CASKIN2: variants seen among roughly 807,000 people sequenced by gnomAD.
The protein encoded by CASKIN2 is caskin-2.
CASKIN2 carries 41 observed loss-of-function variants against 107.1 expected under a neutral mutation model. The ratio of observed to expected loss-of-function variants is 0.38; its 90% CI spans 0.30 to 0.50. The LOEUF (loss-of-function observed/expected upper bound fraction) is 0.50, where lower values mean the gene tolerates loss of function less well. CASKIN2 is among the 20% of genes least tolerant of loss of function. The pLI is 0.92. For missense variants in CASKIN2, 1,546 were observed against 1,657.4 expected, an observed-to-expected ratio of 0.93 and a Z score of 1.17; for synonymous variants, 724 against 705.6, an observed-to-expected ratio of 1.03 and a Z score of -0.41.
At chr17:75,511,886 G>T (rs1214408790) in intron 2 of CASKIN2, among the ~76,000 whole-genome samples, 1 of 150,210 alleles carries the variant, frequency 6.7e-6, no homozygotes, top group Non-Finnish European at 1.5e-5. Context: ...ACCCAGAGCG[G>T]TGAGGCCAGC....
intron 2 of CASKIN2, 86 bp from the exon 3 acceptor site, chr17:75,508,371 A>G (rs2053287802): frequency 6.8e-7 from 1 of 1,466,522 alleles, no homozygotes; most frequent in Non-Finnish European, 9.4e-7. Context: ...AGCCCGGCTG[A>G]CCTCTTGGCG....
rs757509911 is a variant in CASKIN2, at chr17:75,505,925, C to T, written c.731G>A (p.Gly244Asp). The T allele has an allele frequency of 6.2e-7, 1 of 1,613,318 alleles. No individual in the cohort carries two copies. The highest frequency in any genetic ancestry group is 2.2e-5 in the East Asian group (1 of 44,890). ...TEVVRLLLEG[G>D]VDVNIRNTYN... ...CGTATTCCGGATGTTCACGTCCACA[C>T]CTCCCTGGGTGCACAGTGTCACATG... Residue 244 changes from glycine (G) to aspartate (D), a missense_variant, in exon 9 of 20, where the codon GGT becomes GAT. Gly to Asp is a moderately conservative substitution (Grantham distance 94, BLOSUM62 -1). Around this residue, in one of 6 missense-constraint regions of CASKIN2, gnomAD observed 62 missense variants for 81.1 expected, o/e 0.76. Transcript: ENST00000321617. This position sits in a 1 kb window ranked among gnomAD's most constrained non-coding sequence, Gnocchi z 5.1.
In CASKIN2 at chr17:75,505,193, C is replaced by T; in HGVS notation, c.931-120G>A. 8.6e-7 allele frequency: 1 copy of T among 1,164,008 alleles called. No homozygotes were observed. Among genetic ancestry groups the T allele is most frequent in the Non-Finnish European group, 1.2e-6 (1 of 807,158 alleles). The allele number at this position is 1,164,008 out of a possible 1,614,324, so 72.1% of individuals were successfully genotyped here. On this transcript the variant is annotated intron_variant, in intron 10 of 19. Transcript: ENST00000321617. The surrounding 1 kb of genome is among the most constrained non-coding windows in gnomAD (Gnocchi z 5.1). ...CAGCTCTTTCCCTACCCCTAAGGAG[C>T]TGGCCTCTGATGCCCACACTGGCCC...
chr17:75,510,965 A>G (rs1402528609), intron 2 of CASKIN2, among the ~76,000 whole-genome samples: 1 of 151,398 alleles, frequency 6.6e-6, no homozygotes, highest in African/African-American at 2.4e-5. Context: ...CCAGCCACTC[A>G]GGAGGCTGAG....
In CASKIN2 at chr17:75,506,696, C is replaced by G; in HGVS notation, c.504G>C (p.Leu168=). Residue 168 remains leucine (L), a synonymous_variant, in exon 7 of 20, where the codon CTG becomes CTC. Transcript: ENST00000321617. The surrounding 1 kb of genome is among the most constrained non-coding windows in gnomAD (Gnocchi z 4.8). ...FGRLKVAQLL[L]NSHLCVALLE... ...GCAGTGCCACACATAAGTGGCTGTT[C>G]AGAAGCAGCTGGGCCACCTGCAGCA... 6.2e-7 allele frequency: 1 copy of G among 1,613,486 alleles called. No homozygotes were observed. The highest frequency in any genetic ancestry group is 1.1e-5 in the South Asian group (1 of 91,068).
At position 75,504,354 on chromosome 17, in the gene CASKIN2, G is replaced by A. The variant is rs1410653050; in HGVS notation, c.1376-48C>T. The A allele has an allele frequency of 5.0e-6, 8 of 1,596,428 alleles. No individual in the cohort carries two copies. In the East Asian group the frequency reaches 9.0e-5, roughly 18 times the overall value. The stretch of plus-strand genomic sequence containing the variant: ...AATGGAAAGGTGGCAGGAGGAAGGG[G>A]TGCCCACCCTCGGCCTCCTTACTTG... On this transcript the variant is annotated intron_variant, in intron 13 of 19. Transcript: ENST00000321617.
intron 2 of CASKIN2, chr17:75,509,689 T>C: frequency 1.0e-6 from 1 of 984,684 alleles, no homozygotes; most frequent in Non-Finnish European, 1.2e-6. Flanking sequence ...GTTCAAATGC[T>C]CACTCTGGCT....
chr17:75,503,026 C>A lies in CASKIN2; in HGVS notation c.2048G>T (p.Gly683Val), dbSNP rs779493273. ...TGGGAGGGGGAGTGGTTCAGGGCCA[C>A]CCCCTGCCATGGCCGCCTGTAGCTC... is the stretch of plus-strand genomic sequence containing the variant. ...SPELQAAMAG[G>V]GPEPLPLPPA... Residue 683 changes from glycine (G) to valine (V), a missense_variant, in exon 18 of 20, where the codon GGT becomes GTT. Transcript: ENST00000321617. 8 of 1,605,876 alleles carry A rather than the reference C, an allele frequency of 5.0e-6. No individual in the cohort carries two copies. Among genetic ancestry groups the A allele is most frequent in the Non-Finnish European group, 6.8e-6 (8 of 1,178,712 alleles).
Position 75,502,005 on chromosome 17 carries a change from A to AGGCAGTGG in CASKIN2, c.3061_3068dup (p.Ser1024HisfsTer99). ...GAGGAGACTCGCCAGGAGTTGGGGAAGGCAGTGGGGCAGCGGGGCCAGGCG... is the reference window on the plus strand; with the variant it reads ...GAGGAGACTCGCCAGGAGTTGGGGAAGGCAGTGGGGCAGTGGGGCAGCGGGGCCAGGCG... On this transcript the variant is annotated frameshift_variant, in exon 18 of 20. Transcript: ENST00000321617. LOFTEE classifies it high-confidence loss of function. The surrounding 1 kb of genome is among the most constrained non-coding windows in gnomAD (Gnocchi z 4.3). The AGGCAGTGG allele has an allele frequency of 6.2e-7, 1 of 1,612,640 alleles. No individual in the cohort carries two copies. Among genetic ancestry groups the AGGCAGTGG allele is most frequent in the South Asian group, 1.1e-5 (1 of 91,042 alleles).
rs567038988 is a variant in CASKIN2, at chr17:75,502,632, C to G, written c.2442G>C (p.Glu814Asp). Residue 814 changes from glutamate to aspartate, a missense_variant, in exon 18 of 20, where the codon GAG becomes GAC. This residue lies in a region of CASKIN2 where 1,311 missense variants were observed against 1,311.0 expected (regional missense o/e 1.00). Coordinates refer to ENST00000321617, the MANE Select transcript of CASKIN2 (RefSeq NM_020753.5). The surrounding 1 kb of genome is among the most constrained non-coding windows in gnomAD (Gnocchi z 4.3). ...GGGTGCTGCCCACTGGCCCTTCGGC[C>G]TCCCCCTCAGCATCCCCCTCTGTGG... ...PGPTEGDAEG[E>D]AEGPVGSTLG... The G allele has an allele frequency of 3.1e-5, 50 of 1,605,670 alleles. No individual in the cohort carries two copies. The highest frequency in any genetic ancestry group is 4.3e-5 in the Non-Finnish European group (50 of 1,176,154).
Position 75,505,314 on chromosome 17 carries a change from C to T in CASKIN2, c.931-241G>A. ...CCGTGGTCAAATCACAGCTCCACTACTTGCTAGCTGTGTGACCTTGGGCAA... is the reference window on the plus strand; with the variant it reads ...CCGTGGTCAAATCACAGCTCCACTATTTGCTAGCTGTGTGACCTTGGGCAA... On this transcript the variant is annotated intron_variant, in intron 10 of 19. Transcript: ENST00000321617. This position sits in a 1 kb window ranked among gnomAD's most constrained non-coding sequence, Gnocchi z 5.1. 4.8e-6 allele frequency: 3 copies of T among 625,346 alleles called. No homozygotes were observed. In the Admixed American group the frequency reaches 8.6e-5, roughly 18 times the overall value. 38.7% of individuals were successfully genotyped at this position (625,346 alleles called of 1,614,324 possible). A position where few individuals can be genotyped will look rare whatever the true frequency, so the allele number is the denominator to read the frequency against.
In CASKIN2 at chr17:75,505,604, G is replaced by C. The variant is rs147649122; in HGVS notation, c.883C>G (p.Leu295Val). ...ACATTGAGAGCAGTGGGATCGTGGA[G>C]GTTCCAGAAATCCTTGAGCGCTCGG... ...KVRALKDFWN[L>V]HDPTALNVRA... Residue 295 changes from leucine to valine, a missense_variant, in exon 10 of 20, where the codon CTC (leucine) becomes GTC (valine). Coordinates refer to ENST00000321617, the MANE Select transcript of CASKIN2 (RefSeq NM_020753.5). This position sits in a 1 kb window ranked among gnomAD's most constrained non-coding sequence, Gnocchi z 5.1. The C allele has an allele frequency of 1.9e-6, 3 of 1,613,448 alleles. No individual in the cohort carries two copies. Among genetic ancestry groups the C allele is most frequent in the Non-Finnish European group, 2.5e-6 (3 of 1,180,012 alleles).
chr17:75,507,124 G>A lies in CASKIN2; in HGVS notation c.250C>T (p.Arg84Cys), dbSNP rs752188346. 10 of 1,605,936 alleles carry A rather than the reference G, an allele frequency of 6.2e-6. No homozygotes were observed. Among genetic ancestry groups the A allele is most frequent in the Middle Eastern group, 3.4e-4 (2 of 5,952 alleles). ...TVDIKDSNGMRPLHYAAWQGR... is the reference protein window; with the variant it reads ...TVDIKDSNGMCPLHYAAWQGR... ...TGCCAGGCTGCGTAGTGCAGCGGGC[G>A]CATGCCTGGCAGGAGGAAAGGGTTT... The change falls in exon 5 of 20, where the codon CGC becomes TGC. Residue 84 changes from arginine to cysteine, a missense_variant. Around this residue, in one of 6 missense-constraint regions of CASKIN2, gnomAD observed 136 missense variants for 198.6 expected, o/e 0.68. Transcript: ENST00000321617.
At chr17:75,501,337 C>A in intron 19 of CASKIN2, 131 bp downstream of exon 19, 1 of 1,237,028 alleles carries the variant, frequency 8.1e-7, no homozygotes, top group Non-Finnish European at 1.1e-6. Context: ...TAGGTGATTT[C>A]AACACCTGGC....
At chr17:75,507,933 G>A (rs1567996732) in intron 3 of CASKIN2, 3 of 583,392 alleles carry the variant, frequency 5.1e-6, no homozygotes, top group East Asian at 2.8e-5. Context: ...GTGGGAGCAG[G>A]AGCCTGAGGG....
chr17:75,500,900 T>C lies in CASKIN2; in HGVS notation c.*180A>G. The C allele has an allele frequency of 1.6e-6, 1 of 607,996 alleles. No homozygotes were observed. The highest frequency in any genetic ancestry group is 4.4e-4 in the Middle Eastern group (1 of 2,260). The allele number at this position is 607,996 out of a possible 1,614,324, so 37.7% of individuals were successfully genotyped here. ...GTCCCTCGCTAGTCAGGTTCTAAGG[T>C]GGGCTGCCCCACAAGAGCTGTGGTG... On this transcript the variant is annotated 3_prime_UTR_variant, in exon 20 of 20. Transcript: ENST00000321617.
intron 2 of CASKIN2, among the ~76,000 whole-genome samples, chr17:75,513,109 G>C (rs1273995578): frequency 2.6e-5 from 4 of 152,036 alleles, no homozygotes; most frequent in African/African-American, 9.7e-5. Context: ...CAGGAATTTG[G>C]GTCTGTTTTG....
At position 75,502,003 on chromosome 17, in the gene CASKIN2, G is replaced by C; in HGVS notation, c.3071C>G (p.Ser1024Cys). The C allele has an allele frequency of 1.2e-6, 2 of 1,612,736 alleles. No homozygotes were observed. The highest frequency in any genetic ancestry group is 2.2e-5 in the South Asian group (2 of 91,052). Residue 1024 changes from serine (S) to cysteine (C), a missense_variant, in exon 18 of 20, where the codon TCC becomes TGC. Transcript: ENST00000321617. This position sits in a 1 kb window ranked among gnomAD's most constrained non-coding sequence, Gnocchi z 4.3. ...TGGAGGAGACTCGCCAGGAGTTGGG[G>C]AAGGCAGTGGGGCAGCGGGGCCAGG... ...ATPGPAAPLP[S>C]PTPGESPPAS...
At chr17:75,515,011 G>C (rs1285924825) in intron 1 of CASKIN2, among the ~76,000 whole-genome samples, 2 of 152,080 alleles carry the variant, frequency 1.3e-5, no homozygotes, top group Non-Finnish European at 2.9e-5. Context: ...ATCCGCGCAG[G>C]CCTGGGGCCC....
Sources: gnomAD v4.1 joint callset for allele counts (sites outside exome capture counted in the v4.1 genomes callset) on GRCh38, gnomAD v4.1.1 for gene constraint, gnomAD v4.1.1 regional missense constraint, Gnocchi (gnomAD v3.1) non-coding constraint, MANE v1.5 for transcripts, NCBI Gene and HGNC (gene_info 2026-07-23, HGNC 2026-07-21) for gene names.